Variants in RIN3 observed in about 807,000 individuals in gnomAD.
The protein encoded by RIN3 is RAB5 interacting protein 3.
A neutral mutation model predicts 76.3 loss-of-function variants in RIN3; 54 were observed. That is an observed-to-expected ratio of 0.71 (90% CI 0.57 to 0.89). The LOEUF (loss-of-function observed/expected upper bound fraction) is 0.89. Ranked by LOEUF, RIN3 falls within the 40% of genes least tolerant of loss-of-function variation. The pLI, the probability that RIN3 is intolerant of heterozygous loss-of-function variation, is 0.00. For synonymous variants in RIN3, 576 were observed against 564.0 expected (o/e 1.02, Z -0.30); for missense variants, 1,256 against 1,322.1 (o/e 0.95, Z 0.78).
rs148978763 is a variant in RIN3, at chr14:92,582,973, C to T, written c.367+5496C>T. Among the ~76,000 whole-genome samples, 787 of 152,300 alleles carry T rather than the reference C, an allele frequency of 5.2e-3. 3 individuals are homozygous for T. Among genetic ancestry groups the T allele is most frequent in the Non-Finnish European group, 8.7e-3 (594 of 68,022 alleles). On this transcript the variant is annotated intron_variant, in intron 3 of 9. Coordinates refer to ENST00000216487, the MANE Select transcript of RIN3 (RefSeq NM_024832.5). ...AAGCCACACAGCTTTTTGAATCCCG[C>T]TGTTTTCTCCTGCCTGTGTGACCTT...
At chr14:92,582,072 A>C (rs1822466848) in intron 3 of RIN3, among the ~76,000 whole-genome samples, 1 of 152,192 alleles carries the variant, frequency 6.6e-6, no homozygotes, top group Non-Finnish European at 1.5e-5. Flanking sequence ...TAAACCAGTG[A>C]AGCAGGATTC....
At chr14:92,521,286 C>T (rs1344089469) in intron 1 of RIN3, among the ~76,000 whole-genome samples, 1 of 152,180 alleles carries the variant, frequency 6.6e-6, no homozygotes, top group East Asian at 1.9e-4. Flanking sequence ...CCTACCCTTC[C>T]ATCCTTCCAT....
At chr14:92,517,098 G>T (rs1896463848) in intron 1 of RIN3, among the ~76,000 whole-genome samples, 3 of 152,190 alleles carry the variant, frequency 2.0e-5, no homozygotes, top group Admixed American at 2.0e-4. Context: ...GTAACCCCCT[G>T]GAAGATTCCA....
intron 1 of RIN3, among the ~76,000 whole-genome samples, chr14:92,552,954 G>C (rs1897472317): frequency 6.7e-6 from 1 of 149,484 alleles, no homozygotes; most frequent in South Asian, 2.1e-4. Context: ...AGCACAGCCC[G>C]AGTGAATGAG....
chr14:92,523,985 GA>G (rs1420360852), intron 1 of RIN3, among the ~76,000 whole-genome samples: 1 of 152,190 alleles, frequency 6.6e-6, no homozygotes, highest in Non-Finnish European at 1.5e-5. Context: ...TTGAGGCCAG[GA>G]ATTCAAGACC....
intron 3 of RIN3, among the ~76,000 whole-genome samples, chr14:92,592,642 GTATTATTATTATTATTATTAT>G (rs143659950): frequency 6.0e-4 from 81 of 134,638 alleles, no homozygotes; most frequent in Middle Eastern, 7.2e-3. Flanking sequence ...TTTAAATTTT[GTATTATTATTATTATTATTAT>G]TATTATTATT....
chr14:92,530,591 C>G (rs910310816), intron 1 of RIN3, among the ~76,000 whole-genome samples: 1 of 151,582 alleles, frequency 6.6e-6, no homozygotes, highest in Non-Finnish European at 1.5e-5. Flanking sequence ...AACTGAGGCA[C>G]AGCAAATCAC....
chr14:92,625,801 G>A (rs901277340), intron 4 of RIN3, among the ~76,000 whole-genome samples: 10 of 152,296 alleles, frequency 6.6e-5, no homozygotes, highest in South Asian at 4.1e-4. Context: ...GCTTGAAGCC[G>A]TCTGTTGGAA....
chr14:92,558,001 G>A (rs1307939136), intron 2 of RIN3, among the ~76,000 whole-genome samples: 2 of 152,198 alleles, frequency 1.3e-5, no homozygotes, highest in Non-Finnish European at 2.9e-5. Context: ...GCTCTCCAGA[G>A]CAAGCTGGAT....
chr14:92,522,454 G>T (rs767385908), intron 1 of RIN3, among the ~76,000 whole-genome samples: 16 of 152,188 alleles, frequency 1.1e-4, no homozygotes, highest in Non-Finnish European at 1.9e-4. Context: ...GTGCAAGTAC[G>T]TGTTACCTTG....
intron 3 of RIN3, chr14:92,586,326 G>A (rs1249569622): frequency 6.6e-6 from 1 of 152,200 alleles, no homozygotes. Flanking sequence ...ATCGTTTCCT[G>A]CAACACTTTG....
intron 3 of RIN3, among the ~76,000 whole-genome samples, chr14:92,614,847 T>G (rs1182815523): frequency 1.4e-5 from 2 of 144,532 alleles, no homozygotes; most frequent in Non-Finnish European, 3.0e-5. Flanking sequence ...GGTATGTCTT[T>G]TTTTTTTTTT....
At chr14:92,676,903 C>T (rs1394500675) in intron 8 of RIN3, among the ~76,000 whole-genome samples, 3 of 152,052 alleles carry the variant, frequency 2.0e-5, no homozygotes, top group African/African-American at 4.8e-5. Context: ...GGAAGGCTTC[C>T]TGGAGGAGGT....
In RIN3 at chr14:92,688,466, G is replaced by C; in HGVS notation, c.*214G>C. On this transcript the variant is annotated 3_prime_UTR_variant, in exon 10 of 10. Coordinates refer to ENST00000216487, the MANE Select transcript of RIN3 (RefSeq NM_024832.5). ...CCTAATAGCCCTGAGACACCGAGAC[G>C]GCATGTTCTTCATTAGACGGAAAGG... 1.8e-6 allele frequency: 1 copy of C among 571,410 alleles called. No individual in the cohort carries two copies. The highest frequency in any genetic ancestry group is 2.3e-5 in the South Asian group (1 of 44,114). The allele number at this position is 571,410 out of a possible 1,614,324, so 35.4% of individuals were successfully genotyped here.
chr14:92,569,557 G>A (rs867971995), intron 2 of RIN3, among the ~76,000 whole-genome samples: 2 of 151,974 alleles, frequency 1.3e-5, no homozygotes, highest in South Asian at 4.2e-4. Flanking sequence ...TCCCCAGCTG[G>A]AGGATCTCCC....
intron 2 of RIN3, among the ~76,000 whole-genome samples, chr14:92,557,468 C>T (rs1897624529): frequency 1.3e-5 from 2 of 152,238 alleles, no homozygotes; most frequent in African/African-American, 4.8e-5. Flanking sequence ...CGCTTGTCTG[C>T]CTCCCAGGAA....
intron 2 of RIN3, among the ~76,000 whole-genome samples, chr14:92,560,923 G>C (rs1432952529): frequency 6.7e-6 from 1 of 148,214 alleles, no homozygotes; most frequent in Non-Finnish European, 1.5e-5. Context: ...AGGAGGCTGA[G>C]GCAGGAGAAT....
intron 1 of RIN3, among the ~76,000 whole-genome samples, chr14:92,541,409 A>G (rs574360826): frequency 6.6e-6 from 1 of 152,188 alleles, no homozygotes; most frequent in Non-Finnish European, 1.5e-5. Flanking sequence ...TATTGTTTCC[A>G]TTTGGGACTC....
intron 2 of RIN3, among the ~76,000 whole-genome samples, chr14:92,563,644 T>C (rs952223433): frequency 2.0e-5 from 3 of 151,998 alleles, no homozygotes; most frequent in Non-Finnish European, 4.4e-5. Context: ...AAAAACAGTG[T>C]CTTGGCCTCA....
Sources: allele counts gnomAD v4.1 joint callset (sites outside exome capture counted in the v4.1 genomes callset), GRCh38; gene constraint gnomAD v4.1.1; transcripts MANE v1.5; gene names NCBI Gene and HGNC (gene_info 2026-07-23, HGNC 2026-07-21).